Variants in PDE10A observed in about 807,000 individuals in gnomAD.
The protein encoded by PDE10A is cAMP and cAMP-inhibited cGMP 3',5'-cyclic phosphodiesterase 10A.
PDE10A carries 39 observed loss-of-function variants against 97.7 expected under a neutral mutation model. The ratio of observed to expected loss-of-function variants is 0.40; its 90% confidence interval spans 0.31 to 0.52. The LOEUF is 0.52. Ranked by LOEUF, PDE10A falls within the 20% of genes least tolerant of loss-of-function variation. PDE10A has a pLI of 0.56. For synonymous variants in PDE10A, 371 were observed against 376.8 expected (o/e 0.98, Z 0.18); for missense variants, 731 against 1,047.8 (o/e 0.70, Z 4.17).
At chr6:165,798,203 G>A (rs768192552) in intron 1 of PDE10A, among the ~76,000 whole-genome samples, 1 of 152,182 alleles carries the variant, frequency 6.6e-6, no homozygotes, top group Non-Finnish European at 1.5e-5. Flanking sequence ...AAGACCAATT[G>A]TAAATACATA....
At chr6:165,905,920 G>A (rs940550531) in intron 1 of PDE10A, among the ~76,000 whole-genome samples, 12 of 151,130 alleles carry the variant, frequency 7.9e-5, no homozygotes, top group African/African-American at 2.9e-4. Context: ...TGAGAAAAAT[G>A]TGTTATTTTA....
chr6:165,919,367 T>G (rs974403042), intron 1 of PDE10A, among the ~76,000 whole-genome samples: 5 of 152,212 alleles, frequency 3.3e-5, no homozygotes, highest in African/African-American at 1.2e-4. Context: ...ATGGCTGAGC[T>G]GCCCCAGGCC....
chr6:165,486,843 G>A (rs1462901171), intron 2 of PDE10A, among the ~76,000 whole-genome samples: 2 of 152,244 alleles, frequency 1.3e-5, no homozygotes, highest in Non-Finnish European at 2.9e-5. Context: ...AATGACAGCT[G>A]TGTTCAAGTC....
At chr6:165,587,056 G>A (rs1163347795) in intron 1 of PDE10A, among the ~76,000 whole-genome samples, 2 of 152,156 alleles carry the variant, frequency 1.3e-5, no homozygotes, top group African/African-American at 4.8e-5. Context: ...CATCACAGAG[G>A]GTGACCAACT....
At chr6:165,752,446 T>C (rs1388203424) in intron 1 of PDE10A, among the ~76,000 whole-genome samples, 1 of 152,192 alleles carries the variant, frequency 6.6e-6, no homozygotes, top group Non-Finnish European at 1.5e-5. Context: ...GCCTAGACAC[T>C]GCAAGATATG....
At chr6:165,380,852 T>C (rs1024528447) in intron 17 of PDE10A, among the ~76,000 whole-genome samples, 21 of 152,252 alleles carry the variant, frequency 1.4e-4, no homozygotes, top group Non-Finnish European at 1.6e-4. Flanking sequence ...CTGCTTTCCT[T>C]TGAAGTGACC....
At chr6:165,575,548 T>C (rs1411289721) in intron 1 of PDE10A, among the ~76,000 whole-genome samples, 1 of 152,184 alleles carries the variant, frequency 6.6e-6, no homozygotes, top group African/African-American at 2.4e-5. Context: ...TCTCATGTCT[T>C]CAAACTCTCC....
chr6:165,660,900 C>G (rs1233957841), intron 1 of PDE10A: 1 of 152,222 alleles, frequency 6.6e-6, no homozygotes, highest in Admixed American at 6.5e-5. Context: ...TGGGCGCGAC[C>G]TCCTGCACCC....
intron 1 of PDE10A, among the ~76,000 whole-genome samples, chr6:165,602,336 C>G (rs988558646): frequency 3.3e-4 from 51 of 152,266 alleles, no homozygotes; most frequent in Middle Eastern, 3.4e-3. Context: ...GAGGCAGCTA[C>G]CAGCCCGTGT....
At chr6:165,794,116 T>TGC (rs1554322860) in intron 1 of PDE10A, among the ~76,000 whole-genome samples, 1 of 150,532 alleles carries the variant, frequency 6.6e-6, no homozygotes, top group Non-Finnish European at 1.5e-5. Flanking sequence ...TACGCAGGCA[T>TGC]ACACACACAC....
intron 1 of PDE10A, among the ~76,000 whole-genome samples, chr6:165,553,757 TCTC>T (rs1784125001): frequency 1.3e-5 from 2 of 152,184 alleles, no homozygotes; most frequent in South Asian, 4.1e-4. Flanking sequence ...ACTTGCTTTC[TCTC>T]CTAAGAACAT....
intron 1 of PDE10A, among the ~76,000 whole-genome samples, chr6:165,961,513 G>A (rs573313351): frequency 1.2e-4 from 19 of 152,314 alleles, no homozygotes; most frequent in African/African-American, 3.6e-4. Context: ...GGTTACCCAC[G>A]AGATGAAAAT....
chr6:165,899,412 A>G (rs1209584355), intron 1 of PDE10A, among the ~76,000 whole-genome samples: 1 of 152,184 alleles, frequency 6.6e-6, no homozygotes, highest in Non-Finnish European at 1.5e-5. Context: ...CACATATTCC[A>G]TGAATATTGA....
chr6:165,810,439 C>T (rs1345352907), intron 1 of PDE10A, among the ~76,000 whole-genome samples: 1 of 152,170 alleles, frequency 6.6e-6, no homozygotes, highest in African/African-American at 2.4e-5. Flanking sequence ...GGAAGCCTGG[C>T]ATTCACCCTG....
At chr6:165,347,394 AAATTT>A (rs1326393244) in intron 18 of PDE10A, among the ~76,000 whole-genome samples, 3 of 152,192 alleles carry the variant, frequency 2.0e-5, no homozygotes, top group Non-Finnish European at 2.9e-5. Context: ...AATATACTTT[AAATTT>A]AAGTTCTAAA....
At chr6:165,792,377 G>A (rs1054952199) in intron 1 of PDE10A, among the ~76,000 whole-genome samples, 13 of 152,266 alleles carry the variant, frequency 8.5e-5, no homozygotes, top group Admixed American at 2.0e-4. Context: ...CAGCGTCAAC[G>A]CCACCGCCCT....
intron 2 of PDE10A, among the ~76,000 whole-genome samples, chr6:165,536,293 T>C (rs1295679872): frequency 6.6e-6 from 1 of 151,890 alleles, no homozygotes; most frequent in Non-Finnish European, 1.5e-5. Context: ...CCCCTATCTC[T>C]CACCTTATAC....
intron 1 of PDE10A, among the ~76,000 whole-genome samples, chr6:165,721,127 C>T (rs1792158379): frequency 6.6e-6 from 1 of 152,086 alleles, no homozygotes; most frequent in Non-Finnish European, 1.5e-5. Flanking sequence ...TTTACGAATT[C>T]CGGTTGTGGT....
intron 1 of PDE10A, among the ~76,000 whole-genome samples, chr6:165,934,504 C>T (rs1022270941): frequency 6.6e-6 from 1 of 152,094 alleles, no homozygotes; most frequent in African/African-American, 2.4e-5. Context: ...ATCCATCTTT[C>T]TCTATAATCT....
Sources: allele counts gnomAD v4.1 joint callset (sites outside exome capture counted in the v4.1 genomes callset), GRCh38; gene constraint gnomAD v4.1.1; transcripts MANE v1.5; gene names NCBI Gene and HGNC (gene_info 2026-07-23, HGNC 2026-07-21).